CAMTA1: variants seen among roughly 807,000 people sequenced by gnomAD.
The protein encoded by CAMTA1 is calmodulin-binding transcription activator 1.
Under a neutral mutation model 170.9 loss-of-function variants are expected in CAMTA1, and 27 were observed. That is an observed-to-expected ratio of 0.16 (90% CI 0.12 to 0.22). CAMTA1 has a LOEUF of 0.22. CAMTA1 is among the 10% of genes least tolerant of loss of function. CAMTA1 has a pLI of 1.00. For missense variants in CAMTA1, 1,619 were observed against 2,217.2 expected, an observed-to-expected ratio of 0.73 and a Z score of 5.42; for synonymous variants, 833 against 891.5, an observed-to-expected ratio of 0.93 and a Z score of 1.17.
intron 3 of CAMTA1, among the ~76,000 whole-genome samples, chr1:6,981,647 G>C (rs757631584): frequency 2.0e-5 from 3 of 151,988 alleles, no homozygotes; most frequent in African/African-American, 7.2e-5. Context: ...TGTTGCCTAG[G>C]GTGGTCTTAA....
At chr1:7,527,242 C>T (rs2094441958) in intron 6 of CAMTA1, among the ~76,000 whole-genome samples, 1 of 152,154 alleles carries the variant, frequency 6.6e-6, no homozygotes, top group African/African-American at 2.4e-5. Context: ...ACTAAGGCTC[C>T]GGAAGGTGAC....
chr1:7,467,958 G>T, intron 6 of CAMTA1, 57 bp downstream of exon 6: 1 of 1,395,880 alleles, frequency 7.2e-7, no homozygotes, highest in Non-Finnish European at 1.0e-6. Flanking sequence ...AGGGTCTGTG[G>T]AGGGCACTGA....
At chr1:6,984,013 G>A (rs1228134125) in intron 3 of CAMTA1, among the ~76,000 whole-genome samples, 1 of 24,668 alleles carries the variant, frequency 4.1e-5, no homozygotes, top group Non-Finnish European at 8.4e-5. Context: ...TGGAGGGATG[G>A]GTGGTTGGGC....
intron 3 of CAMTA1, among the ~76,000 whole-genome samples, chr1:6,839,170 C>T (rs997161256): frequency 6.6e-5 from 10 of 151,978 alleles, no homozygotes; most frequent in Admixed American, 5.9e-4. Context: ...ATCACAAGGT[C>T]GGGAGATCGA....
chr1:7,065,902 G>T lies in CAMTA1; in HGVS notation c.235-25402G>T, dbSNP rs1283474387. Reference sequence around the variant, plus strand: ...TTAAGACTGGGTGTGAAATGGAGAAGAACGCAGCACTGGCTTAAACTTGAC... The same window carrying T: ...TTAAGACTGGGTGTGAAATGGAGAATAACGCAGCACTGGCTTAAACTTGAC... On this transcript the variant is annotated intron_variant, in intron 3 of 22. Transcript: ENST00000303635. This position sits in a 1 kb window ranked among gnomAD's most constrained non-coding sequence, Gnocchi z 5.2. Among the ~76,000 whole-genome samples, 1 of 152,202 alleles carries T rather than the reference G, an allele frequency of 6.6e-6. No homozygotes were observed. The highest frequency in any genetic ancestry group is 1.5e-5 in the Non-Finnish European group (1 of 68,036).
chr1:7,373,170 T>C lies in CAMTA1; in HGVS notation c.439-94660T>C, dbSNP rs1431040213. On this transcript the variant is annotated intron_variant, in intron 5 of 22. Coordinates refer to ENST00000303635, the MANE Select transcript of CAMTA1 (RefSeq NM_015215.4). Reference sequence around the variant, plus strand: ...TTCTTGGTTGTGGGGGGCTGTCCTGTGCATTGTAGGACATGCAGCAGCATC... The same window carrying C: ...TTCTTGGTTGTGGGGGGCTGTCCTGCGCATTGTAGGACATGCAGCAGCATC... Among the ~76,000 whole-genome samples the C allele has an allele frequency of 2.0e-5, 3 of 152,322 alleles. No individual in the cohort carries two copies. The East Asian group carries it at 5.8e-4, about 29-fold the overall frequency.
intron 7 of CAMTA1, among the ~76,000 whole-genome samples, chr1:7,654,597 C>CT (rs1275729760): frequency 6.1e-5 from 1 of 16,454 alleles, no homozygotes; most frequent in Non-Finnish European, 1.4e-4. Flanking sequence ...CACAGCTATA[C>CT]ACACACACTC....
chr1:7,150,840 C>T (rs1646530536), intron 4 of CAMTA1, among the ~76,000 whole-genome samples: 3 of 152,210 alleles, frequency 2.0e-5, no homozygotes, highest in Non-Finnish European at 2.9e-5. Flanking sequence ...TATTTTCCCT[C>T]TGATGTTGTC....
intron 16 of CAMTA1, among the ~76,000 whole-genome samples, chr1:7,739,752 C>G (rs2096797507): frequency 6.6e-6 from 1 of 152,202 alleles, no homozygotes; most frequent in Non-Finnish European, 1.5e-5. Flanking sequence ...CAGTTATCTC[C>G]CACTGGGTCC....
In CAMTA1 at chr1:7,546,797, G is replaced by A. The variant is rs150425267; in HGVS notation, c.510+78896G>A. Among the ~76,000 whole-genome samples, 18 of 151,934 alleles carry A rather than the reference G, an allele frequency of 1.2e-4. No homozygotes were observed. In the South Asian group the frequency reaches 1.2e-3, roughly 10 times the overall value. Reference sequence around the variant, plus strand: ...TCATATGCTTGTTGGCTGGACGAACGTCTTATTTTGAAAAGTGTCTGTTGA... The same window carrying A: ...TCATATGCTTGTTGGCTGGACGAACATCTTATTTTGAAAAGTGTCTGTTGA... On this transcript the variant is annotated intron_variant, in intron 6 of 22. Coordinates refer to ENST00000303635, the MANE Select transcript of CAMTA1 (RefSeq NM_015215.4).
rs2096788439 is a variant in CAMTA1 at position 7,738,676 on chromosome 1, A to G, written c.4182+194A>G. Among the ~76,000 whole-genome samples, 1 of 152,132 alleles carries G rather than the reference A, an allele frequency of 6.6e-6. No homozygotes were observed. The highest frequency in any genetic ancestry group is 2.4e-5 in the African/African-American group (1 of 41,422). On this transcript the variant is annotated intron_variant, in intron 16 of 22. Transcript: ENST00000303635. The surrounding 1 kb of genome is among the most constrained non-coding windows in gnomAD (Gnocchi z 4.9). ...ATTCGGTGAATCGGGCACCGGGAGT[A>G]GGGCCTGAATACCAGTGACCCCGGT...
At chr1:7,598,299 T>G (rs1576317316) in intron 6 of CAMTA1, among the ~76,000 whole-genome samples, 1 of 152,274 alleles carries the variant, frequency 6.6e-6, no homozygotes, top group Non-Finnish European at 1.5e-5. Context: ...TATTCCATGG[T>G]GTATATGTGC....
chr1:7,353,883 T>C (rs2084893552), intron 5 of CAMTA1, among the ~76,000 whole-genome samples: 1 of 152,060 alleles, frequency 6.6e-6, no homozygotes, highest in Non-Finnish European at 1.5e-5. Context: ...ACCTAATAGG[T>C]ACTTTTTCGA....
intron 5 of CAMTA1, among the ~76,000 whole-genome samples, chr1:7,379,860 G>A (rs970281277): frequency 1.1e-4 from 17 of 152,294 alleles, no homozygotes; most frequent in African/African-American, 3.6e-4. Context: ...ACACATCAGC[G>A]AACCGACAAA....
intron 11 of CAMTA1, among the ~76,000 whole-genome samples, chr1:7,728,344 A>G (rs2096706659): frequency 6.6e-6 from 1 of 152,266 alleles, no homozygotes; most frequent in African/African-American, 2.4e-5. Flanking sequence ...ACTGCAGCAC[A>G]AAGCCACCTC....
chr1:7,112,458 A>C (rs1353650475), intron 4 of CAMTA1, among the ~76,000 whole-genome samples: 2 of 152,244 alleles, frequency 1.3e-5, no homozygotes, highest in Non-Finnish European at 2.9e-5. Context: ...ACAGAGGATG[A>C]AGCACTAAAT....
intron 1 of CAMTA1, among the ~76,000 whole-genome samples, chr1:6,787,038 C>T (rs1291930038): frequency 6.6e-6 from 1 of 152,202 alleles, no homozygotes; most frequent in African/African-American, 2.4e-5. Flanking sequence ...CAGACTTTGT[C>T]CGTCCCACAC....
chr1:6,917,844 TC>T (rs1435199395), intron 3 of CAMTA1, among the ~76,000 whole-genome samples: 3 of 50,614 alleles, frequency 5.9e-5, no homozygotes, highest in African/African-American at 5.9e-5. Flanking sequence ...GCAAAACCCA[TC>T]GGGGGCGGGG....
intron 4 of CAMTA1, among the ~76,000 whole-genome samples, chr1:7,244,333 C>G (rs939711936): frequency 6.6e-6 from 1 of 152,170 alleles, no homozygotes; most frequent in Non-Finnish European, 1.5e-5. Flanking sequence ...GTCGGTGTGG[C>G]GATTCCTCAG....
Sources: gnomAD v4.1 joint callset for allele counts (sites outside exome capture counted in the v4.1 genomes callset) on GRCh38, gnomAD v4.1.1 for gene constraint, Gnocchi (gnomAD v3.1) non-coding constraint, MANE v1.5 for transcripts, NCBI Gene and HGNC (gene_info 2026-07-23, HGNC 2026-07-21) for gene names.